Variants in SUPT7L observed in about 807,000 individuals in gnomAD.
SUPT7L encodes the protein SPT7 like, STAGA complex subunit gamma, also known as STAGA complex 65 subunit gamma.
A neutral mutation model predicts 35.7 loss-of-function variants in SUPT7L; 15 were observed. That is an observed-to-expected ratio of 0.42 (90% confidence interval 0.28 to 0.65). SUPT7L has a LOEUF of 0.65. Ranked by LOEUF, SUPT7L falls within the 30% of genes least tolerant of loss-of-function variation. The probability of loss-of-function intolerance (pLI) is 0.23; values close to 1 mark genes in which losing one functional copy is unlikely to be tolerated. For synonymous variants in SUPT7L, 168 were observed against 186.2 expected (o/e 0.90, Z 0.79); for missense variants, 434 against 522.2 (o/e 0.83, Z 1.65).
At position 27,655,484 on chromosome 2, in the gene SUPT7L, C is replaced by T; in HGVS notation, c.863G>A (p.Ser288Asn). Reference sequence around the variant, plus strand: ...AGCAAGGTCAGCCTCCAGCTCCTCACTGACAGGAAAAGTGATGTCGCTCAC... The same window carrying T: ...AGCAAGGTCAGCCTCCAGCTCCTCATTGACAGGAAAAGTGATGTCGCTCAC... ...EPVSDITFPVSEELEADLASG... is the reference protein window; with the variant it reads ...EPVSDITFPVNEELEADLASG... The change falls in exon 5 of 6, where the codon AGT (serine) becomes AAT (asparagine). Residue 288 changes from serine (S) to asparagine (N), a missense_variant. By Grantham distance (46) the Ser-to-Asn change is conservative. Around this residue, in one of 3 missense-constraint regions of SUPT7L, gnomAD observed 159 missense variants for 217.1 expected, o/e 0.73. Transcript: ENST00000337768. 6.2e-7 allele frequency: 1 copy of T among 1,614,200 alleles called. No individual in the cohort carries two copies. The highest frequency in any genetic ancestry group is 8.5e-7 in the Non-Finnish European group (1 of 1,180,022).
downstream of SUPT7L, among the ~76,000 whole-genome samples, chr2:27,646,144 C>T (rs1219584013): frequency 9.9e-5 from 15 of 152,192 alleles, no homozygotes; most frequent in African/African-American, 1.7e-4. Context: ...CGGGTTCAAG[C>T]GATTGTTGTG....
At chr2:27,655,334 G>T in intron 5 of SUPT7L, 31 bp downstream of exon 5, 1 of 1,503,382 alleles carries the variant, frequency 6.7e-7, no homozygotes. Flanking sequence ...AGATCTCCCA[G>T]AATCAAAGTG....
chr2:27,657,685 C>A lies in SUPT7L; in HGVS notation c.420-16G>T, dbSNP rs1257574617. On this transcript the variant is annotated splice_polypyrimidine_tract_variant and intron_variant, in intron 3 of 5. Transcript: ENST00000337768. The surrounding 1 kb of genome is among the most constrained non-coding windows in gnomAD (Gnocchi z 5.2). ...CCCTTTCCCACTGAAAGTGGAGATACGGTGGTGTTATTAATGTTCTTGCAA... is the reference window on the plus strand; with the variant it reads ...CCCTTTCCCACTGAAAGTGGAGATAAGGTGGTGTTATTAATGTTCTTGCAA... 5.6e-6 allele frequency: 9 copies of A among 1,601,226 alleles called. No individual in the cohort carries two copies. The highest frequency in any genetic ancestry group is 7.7e-6 in the Non-Finnish European group (9 of 1,172,532).
At chr2:27,650,081 G>C, downstream of SUPT7L, 1 of 1,147,876 alleles carries the variant, frequency 8.7e-7, no homozygotes. Flanking sequence ...TCTAATGAAA[G>C]AGTTGAAAAA....
At position 27,657,685 on chromosome 2, in the gene SUPT7L, C is replaced by T. The variant is rs1257574617; in HGVS notation, c.420-16G>A. ...CCCTTTCCCACTGAAAGTGGAGATA[C>T]GGTGGTGTTATTAATGTTCTTGCAA... On this transcript the variant is annotated splice_polypyrimidine_tract_variant and intron_variant, in intron 3 of 5. Transcript: ENST00000337768. The surrounding 1 kb of genome is among the most constrained non-coding windows in gnomAD (Gnocchi z 5.2). The T allele has an allele frequency of 8.4e-5, 134 of 1,601,110 alleles. No individual in the cohort carries two copies. Among genetic ancestry groups the T allele is most frequent in the Non-Finnish European group, 1.1e-4 (131 of 1,172,542 alleles).
downstream of SUPT7L, chr2:27,650,353 A>G (rs970362062): frequency 1.9e-6 from 1 of 518,790 alleles, no homozygotes; most frequent in Admixed American, 3.2e-5. Context: ...CTTGTGACTC[A>G]GATGAAGTCA....
downstream of SUPT7L, among the ~76,000 whole-genome samples, chr2:27,649,083 C>T (rs200866662): frequency 6.6e-6 from 1 of 151,046 alleles, no homozygotes; most frequent in Non-Finnish European, 1.5e-5. Flanking sequence ...ATCTCTACTA[C>T]AAGTACAAAA....
rs1674640749 is a variant in SUPT7L, at chr2:27,653,291, T to C, written c.*194A>G. On this transcript the variant is annotated 3_prime_UTR_variant, in exon 6 of 6. Coordinates refer to ENST00000337768, the MANE Select transcript of SUPT7L (RefSeq NM_014860.3). Reference sequence around the variant, plus strand: ...TTATCTGTGAAGGGTGGCTTGGTTGTGGAAAACTATAAAAACTGGATGCAA... The same window carrying C: ...TTATCTGTGAAGGGTGGCTTGGTTGCGGAAAACTATAAAAACTGGATGCAA... 2.7e-6 allele frequency: 2 copies of C among 731,404 alleles called. No individual in the cohort carries two copies. Among genetic ancestry groups the C allele is most frequent in the East Asian group, 2.8e-5 (1 of 35,706 alleles). 45.3% of individuals were successfully genotyped at this position (731,404 alleles called of 1,614,324 possible). A position where few individuals can be genotyped will look rare whatever the true frequency, so the allele number is the denominator to read the frequency against.
At chr2:27,643,605 A>G in the SUPT7L span, among the ~76,000 whole-genome samples, 2 of 152,200 alleles carry the variant, frequency 1.3e-5, no homozygotes, top group African/African-American at 4.8e-5. This position sits in a 1 kb window ranked among gnomAD's most constrained non-coding sequence, Gnocchi z 4.0. Flanking sequence ...TAATTCTCAC[A>G]TGCCTTATAC....
In SUPT7L at chr2:27,657,457, G is replaced by C. The variant is rs368138417; in HGVS notation, c.632C>G (p.Pro211Arg). The C allele has an allele frequency of 8.7e-6, 14 of 1,614,144 alleles. No individual in the cohort carries two copies. The highest frequency in any genetic ancestry group is 1.2e-5 in the Non-Finnish European group (14 of 1,180,054). ...TACCTGCTCCATCACATCAGGAAAA[G>C]GAGTCTGTCCCAGCCGGGCCTCCCG... The part of the protein sequence containing the change: ...VDREARLGQT[P>R]FPDVMEQVFH... Residue 211 changes from proline to arginine, a missense_variant, in exon 4 of 6, where the codon CCT becomes CGT. This residue lies in a region of SUPT7L where 198 missense variants were observed against 190.8 expected (regional missense o/e 1.04). Transcript: ENST00000337768. This position sits in a 1 kb window ranked among gnomAD's most constrained non-coding sequence, Gnocchi z 5.2.
intron 2 of SUPT7L, 75 bp downstream of exon 2, chr2:27,662,104 C>T: frequency 1.2e-6 from 2 of 1,607,910 alleles, no homozygotes; most frequent in Non-Finnish European, 1.7e-6. Flanking sequence ...CAAATGGCTT[C>T]CCATTGCCTA....
intron 5 of SUPT7L, among the ~76,000 whole-genome samples, 156 bp from the exon 6 acceptor site, chr2:27,653,903 T>C (rs1674676306): frequency 6.6e-6 from 1 of 152,248 alleles, no homozygotes; most frequent in Non-Finnish European, 1.5e-5. Context: ...TGTTACTCTC[T>C]GCTTCAAAAA....
chr2:27,652,595 A>C lies in SUPT7L; in HGVS notation c.*890T>G, dbSNP rs1429586689. ...GACATGATGTAAAGTTGAAAGGTGC[A>C]TATTGCTATGTTTTAAAGGCTGCCT... On this transcript the variant is annotated 3_prime_UTR_variant, in exon 6 of 6. Transcript: ENST00000337768. 2.6e-5 allele frequency: 4 copies of C among 152,774 alleles called. No individual in the cohort carries two copies. Among genetic ancestry groups the C allele is most frequent in the Admixed American group, 2.6e-4 (4 of 15,286 alleles). 9.5% of individuals were successfully genotyped at this position (152,774 alleles called of 1,614,324 possible). A position where few individuals can be genotyped will look rare whatever the true frequency, so the allele number is the denominator to read the frequency against.
the SUPT7L span, among the ~76,000 whole-genome samples, chr2:27,642,730 A>C: frequency 6.6e-6 from 1 of 151,720 alleles, no homozygotes; most frequent in African/African-American, 2.4e-5. Context: ...ACACCCGGCT[A>C]ATTTTGTATT....
At chr2:27,650,236 C>T (rs780750410), downstream of SUPT7L, 12 of 1,280,988 alleles carry the variant, frequency 9.4e-6, no homozygotes, top group Admixed American at 2.1e-4. Flanking sequence ...TCTAGAAGTC[C>T]AGAATTTTGG....
At chr2:27,646,946 G>C (rs1466002868), downstream of SUPT7L, among the ~76,000 whole-genome samples, 1 of 152,182 alleles carries the variant, frequency 6.6e-6, no homozygotes, top group Non-Finnish European at 1.5e-5. Flanking sequence ...AATATGTGAA[G>C]TCAATGTTAA....
Position 27,655,345 on chromosome 2 carries a change from A to C in SUPT7L, c.982+20T>G. On this transcript the variant is annotated intron_variant, in intron 5 of 5. Transcript: ENST00000337768. ...TGGCAGATCTCCCAGAATCAAAGTG[A>C]GTAAGTTTATTTGTCTTACTTGAAG... The C allele has an allele frequency of 6.6e-7, 1 of 1,517,134 alleles. No homozygotes were observed. Among genetic ancestry groups the C allele is most frequent in the African/African-American group, 1.4e-5 (1 of 71,590 alleles). 94.0% of individuals were successfully genotyped at this position (1,517,134 alleles called of 1,614,324 possible).
intron 1 of SUPT7L, 33 bp from the exon 2 acceptor site, chr2:27,662,314 T>C: frequency 8.9e-7 from 1 of 1,118,862 alleles, no homozygotes; most frequent in Non-Finnish European, 1.4e-6. Flanking sequence ...AAGCAGAATA[T>C]TTCAATATGA....
downstream of SUPT7L, chr2:27,650,268 T>A: frequency 2.3e-6 from 2 of 871,534 alleles, no homozygotes; most frequent in Non-Finnish European, 1.9e-6. Context: ...AAAGAACTGT[T>A]CTTACCTCTG....
Sources: allele counts gnomAD v4.1 joint callset (sites outside exome capture counted in the v4.1 genomes callset), GRCh38; gene constraint gnomAD v4.1.1; regional missense constraint gnomAD v4.1.1; non-coding constraint Gnocchi (gnomAD v3.1); transcripts MANE v1.5; gene names NCBI Gene and HGNC (gene_info 2026-07-23, HGNC 2026-07-21).